SMARCA2: variants seen among roughly 807,000 people sequenced by gnomAD.
SMARCA2 encodes the protein SWI/SNF related BAF chromatin remodeling complex subunit ATPase 2.
In SMARCA2, 61 loss-of-function variants were observed where a neutral mutation model predicts 199.8. That is an observed-to-expected ratio of 0.31 (90% CI 0.25 to 0.38). The LOEUF is 0.38. SMARCA2 is among the 10% of genes least tolerant of loss of function. The pLI is 1.00. For missense variants in SMARCA2, 1,344 were observed against 2,012.2 expected (o/e 0.67, Z 6.35); for synonymous variants, 935 against 732.0 (o/e 1.28, Z -4.48).
At chr9:2,096,818 C>T (rs1477300863) in intron 20 of SMARCA2, 54 bp downstream of exon 20, 1 of 1,040,242 alleles carries the variant, frequency 9.6e-7, no homozygotes, top group Non-Finnish European at 1.5e-6. Flanking sequence ...CTTCTCATGG[C>T]TGTGACATTG....
intron 2 of SMARCA2, 67 bp from the exon 3 acceptor site, chr9:2,032,885 T>C: frequency 6.7e-7 from 1 of 1,483,262 alleles, no homozygotes; most frequent in South Asian, 1.2e-5. Flanking sequence ...GGAAGGGGTC[T>C]GAAAACTCCA....
intron 9 of SMARCA2, among the ~76,000 whole-genome samples, chr9:2,066,057 T>C (rs958396584): frequency 5.2e-4 from 79 of 152,264 alleles, no homozygotes. Context: ...TTACCTATCT[T>C]AATGCTCAAA....
intron 9 of SMARCA2, 50 bp from the exon 10 acceptor site, chr9:2,070,368 G>C: frequency 6.7e-7 from 1 of 1,495,210 alleles, no homozygotes; most frequent in Non-Finnish European, 9.3e-7. Flanking sequence ...AGGAAGTCCT[G>C]TACCCCATCA....
At chr9:2,057,481 G>A (rs781294539) in intron 7 of SMARCA2, among the ~76,000 whole-genome samples, 1 of 152,324 alleles carries the variant, frequency 6.6e-6, no homozygotes, top group African/African-American at 2.4e-5. Flanking sequence ...AATCCCATGG[G>A]AAGTTTTTGA....
intron 28 of SMARCA2, among the ~76,000 whole-genome samples, chr9:2,167,582 C>A (rs533733779): frequency 6.6e-6 from 1 of 152,150 alleles, no homozygotes; most frequent in Non-Finnish European, 1.5e-5. Context: ...CCACGTGGCT[C>A]CTGCCTCCCT....
chr9:2,148,059 A>G (rs1276421964), intron 27 of SMARCA2, among the ~76,000 whole-genome samples: 2 of 151,632 alleles, frequency 1.3e-5, no homozygotes, highest in East Asian at 3.8e-4. Flanking sequence ...CCCAGTTGTA[A>G]CAGTCTAGCC....
At chr9:2,142,577 A>G (rs528640762) in intron 27 of SMARCA2, among the ~76,000 whole-genome samples, 1 of 152,300 alleles carries the variant, frequency 6.6e-6, no homozygotes, top group East Asian at 1.9e-4. Context: ...GTCCAAACCA[A>G]TGGCCTCCTA....
chr9:2,106,452 G>A (rs1428745819), intron 23 of SMARCA2, among the ~76,000 whole-genome samples: 1 of 152,172 alleles, frequency 6.6e-6, no homozygotes, highest in African/African-American at 2.4e-5. Flanking sequence ...CAAGCAAATT[G>A]CCTAACATGT....
At position 2,155,242 on chromosome 9, in the gene SMARCA2, T is replaced by C. The variant is rs114728909; in HGVS notation, c.3982-6444T>C. On this transcript the variant is annotated intron_variant, in intron 27 of 33. Transcript: ENST00000349721. ...TAAAAGGTATCAGTCACATGGGTTCTTAGTTGAACTTATGGCTAAAATAAT... is the reference window on the plus strand; with the variant it reads ...TAAAAGGTATCAGTCACATGGGTTCCTAGTTGAACTTATGGCTAAAATAAT... Among the ~76,000 whole-genome samples the C allele has an allele frequency of 5.6e-3, 849 of 152,330 alleles. 5 individuals are homozygous for C. The highest frequency in any genetic ancestry group is 0.02 in the African/African-American group (811 of 41,570).
chr9:2,175,020 C>A (rs1260824669), intron 29 of SMARCA2, among the ~76,000 whole-genome samples: 1 of 146,512 alleles, frequency 6.8e-6, no homozygotes, highest in Non-Finnish European at 1.5e-5. Context: ...TGGGTTCTTA[C>A]ATTTTGAAAG....
rs899553438 is a variant in SMARCA2 at position 2,047,321 on chromosome 9, G to T, written c.883G>T (p.Ala295Ser). The change falls in exon 5 of 34, where the codon GCG (alanine) becomes TCG (serine). Residue 295 changes from alanine (A) to serine (S), a missense_variant. Physicochemically the swap from Ala to Ser is moderately conservative, Grantham distance 99. Coordinates refer to ENST00000349721, the MANE Select transcript of SMARCA2 (RefSeq NM_003070.5). ...GCCCTCGCCCGCGCCCCCCGCAGCC[G>T]CGCAGCCGCCCGCGGCCGCAGTGCC... is the stretch of plus-strand genomic sequence containing the variant. ...GRPSPAPPAA[A>S]QPPAAAVPGP... is the part of the protein sequence containing the mutation. 2.8e-6 allele frequency: 3 copies of T among 1,061,628 alleles called. No homozygotes were observed. The African/African-American group carries it at 5.2e-5, about 18-fold the overall frequency. 65.8% of individuals were successfully genotyped at this position (1,061,628 alleles called of 1,614,324 possible).
At chr9:2,141,794 T>C (rs764370136) in intron 27 of SMARCA2, among the ~76,000 whole-genome samples, 41 of 152,178 alleles carry the variant, frequency 2.7e-4, no homozygotes, top group Non-Finnish European at 4.7e-4. Context: ...ACTATGGGAG[T>C]TTAGTGAAAG....
intron 28 of SMARCA2, among the ~76,000 whole-genome samples, chr9:2,168,323 T>C (rs1826044035): frequency 6.6e-6 from 1 of 152,202 alleles, no homozygotes; most frequent in African/African-American, 2.4e-5. Flanking sequence ...TGATCTGATA[T>C]TTTATTACAT....
At chr9:2,047,121 G>T in intron 4 of SMARCA2, 108 bp from the exon 5 acceptor site, 28 of 739,482 alleles carry the variant, frequency 3.8e-5, no homozygotes, top group Non-Finnish European at 4.3e-5. Context: ...AGGTGTTTAA[G>T]ACACTTAATG....
intron 27 of SMARCA2, among the ~76,000 whole-genome samples, chr9:2,137,474 T>G (rs1431079211): frequency 6.6e-6 from 1 of 152,142 alleles, no homozygotes; most frequent in Non-Finnish European, 1.5e-5. Context: ...CTCCTTCTAG[T>G]CCTTGGCACT....
intron 33 of SMARCA2, chr9:2,192,208 A>C (rs1827934074): frequency 5.6e-6 from 1 of 179,486 alleles, no homozygotes; most frequent in Non-Finnish European, 1.1e-5. Context: ...GTTTCCTGGC[A>C]CCCACATTAT....
chr9:2,103,445 C>T, intron 22 of SMARCA2, among the ~76,000 whole-genome samples: 1 of 152,282 alleles, frequency 6.6e-6, no homozygotes, highest in South Asian at 2.1e-4. Flanking sequence ...GTATTTATTA[C>T]AGTTTGTAAT....
chr9:2,108,148 G>A (rs1011386073), intron 23 of SMARCA2, among the ~76,000 whole-genome samples: 1 of 152,186 alleles, frequency 6.6e-6, no homozygotes, highest in Admixed American at 6.5e-5. Context: ...AACATCAAAA[G>A]GCCATCTCTT....
In SMARCA2 at chr9:2,145,304, CAAAAAAAAA is replaced by C. The variant is rs56314428; in HGVS notation, c.3982-16365_3982-16357del. 8.6e-3 allele frequency among the ~76,000 whole-genome samples: 1,132 copies of C among 132,324 alleles called. 6 individuals are homozygous for C. Among genetic ancestry groups the C allele is most frequent in the Non-Finnish European group, 0.014 (832 of 59,542 alleles). The allele number at this position is 132,324 out of a possible 152,430, so 86.8% of individuals were successfully genotyped here. The stretch of plus-strand genomic sequence containing the variant: ...GGTGACAGAGTGAAGACTCTTGTCT[CAAAAAAAAA>C]AAAAAAAAAAAAAAAAGAGAGAGAA... On this transcript the variant is annotated intron_variant, in intron 27 of 33. Transcript: ENST00000349721.
Sources: allele counts gnomAD v4.1 joint callset (sites outside exome capture counted in the v4.1 genomes callset), GRCh38; gene constraint gnomAD v4.1.1; transcripts MANE v1.5; gene names NCBI Gene and HGNC (gene_info 2026-07-23, HGNC 2026-07-21).